Variants in NUP210 observed in about 807,000 individuals in gnomAD.
NUP210 encodes the protein nuclear pore membrane glycoprotein 210.
A neutral mutation model predicts 196.0 loss-of-function variants in NUP210; 151 were observed. The observed-to-expected ratio is 0.77, with a 90% CI of 0.67 to 0.88. NUP210 has a LOEUF of 0.88. NUP210 is among the 40% of genes least tolerant of loss of function. NUP210 has a pLI of 0.00. For synonymous variants in NUP210, 1,070 were observed against 1,052.7 expected, an observed-to-expected ratio of 1.02 and a Z score of -0.32; for missense variants, 2,314 against 2,493.7, an observed-to-expected ratio of 0.93 and a Z score of 1.53.
intron 20 of NUP210, among the ~76,000 whole-genome samples, chr3:13,346,770 A>G (rs1697748674): frequency 6.6e-6 from 1 of 152,102 alleles, no homozygotes; most frequent in Non-Finnish European, 1.5e-5. Context: ...ATCGGCTTCC[A>G]TTTCCTGCAG....
intron 8 of NUP210, among the ~76,000 whole-genome samples, chr3:13,377,903 C>CACCTGCAGGCCCTACACCACTT: frequency 6.8e-6 from 1 of 146,450 alleles, no homozygotes; most frequent in Admixed American, 6.8e-5. Flanking sequence ...CCACACCACC[C>CACCTGCAGGCCCTACACCACTT]ACCTGCAGGC....
chr3:13,361,165 G>A (rs191593709), intron 14 of NUP210, among the ~76,000 whole-genome samples: 37 of 152,324 alleles, frequency 2.4e-4, no homozygotes, highest in East Asian at 1.4e-3. Flanking sequence ...CTTCTGAGCC[G>A]CTGGGCTTCC....
Position 13,420,099 on chromosome 3 carries a change from A to G in NUP210, c.128T>C (p.Val43Ala). Residue 43 changes from valine (V) to alanine (A), a missense_variant, in exon 1 of 40, where the codon GTT becomes GCT. Coordinates refer to ENST00000254508, the MANE Select transcript of NUP210 (RefSeq NM_024923.4). The surrounding 1 kb of genome is among the most constrained non-coding windows in gnomAD (Gnocchi z 4.8). ...VLLPFTRATR[V>A]NFTLEASEGC... Reference sequence around the variant, plus strand: ...CTCCGAGGCCTCCAGCGTGAAGTTAACGCGCGTGGCCCGCGTGAAGGGCAG... The same window carrying G: ...CTCCGAGGCCTCCAGCGTGAAGTTAGCGCGCGTGGCCCGCGTGAAGGGCAG... The G allele has an allele frequency of 7.2e-7, 1 of 1,383,070 alleles. No individual in the cohort carries two copies. The highest frequency in any genetic ancestry group is 1.4e-5 in the South Asian group (1 of 70,324). The allele number at this position is 1,383,070 out of a possible 1,614,324, so 85.7% of individuals were successfully genotyped here.
In NUP210 at chr3:13,323,369, G is replaced by C. The variant is rs1217432638; in HGVS notation, c.4708C>G (p.Gln1570Glu). 1.2e-6 allele frequency: 2 copies of C among 1,614,064 alleles called. No individual in the cohort carries two copies. The highest frequency in any genetic ancestry group is 4.5e-5 in the East Asian group (2 of 44,874). The change falls in exon 34 of 40, where the codon CAG becomes GAG. Residue 1570 changes from glutamine (Q) to glutamate (E), a missense_variant. Gln to Glu is a conservative substitution (Grantham distance 29). Transcript: ENST00000254508. This position sits in a 1 kb window ranked among gnomAD's most constrained non-coding sequence, Gnocchi z 4.3. Reference sequence around the variant, plus strand: ...ATCACTTTGGAGGCTGTAGCCTCCTGGAAGCTGGTCTGGATGGGGTGGAGG... The same window carrying C: ...ATCACTTTGGAGGCTGTAGCCTCCTCGAAGCTGGTCTGGATGGGGTGGAGG... ...RHLHPIQTSF[Q>E]EATASKVIVA...
Position 13,351,935 on chromosome 3 carries a change from T to C in NUP210, c.2779A>G (p.Thr927Ala). The C allele has an allele frequency of 6.2e-7, 1 of 1,613,470 alleles. No homozygotes were observed. Residue 927 changes from threonine to alanine, a missense_variant, in exon 20 of 40, where the codon ACC (threonine) becomes GCC (alanine). Coordinates refer to ENST00000254508, the MANE Select transcript of NUP210 (RefSeq NM_024923.4). Reference sequence around the variant, plus strand: ...ACCTTGACAACATCTGCGGTGCTGGTGTTGAGGAAGAAGTAACCTGAGCCT... The same window carrying C: ...ACCTTGACAACATCTGCGGTGCTGGCGTTGAGGAAGAAGTAACCTGAGCCT... ...REGSGYFFLN[T>A]STADVVKVAY... is the part of the protein sequence containing the mutation.
chr3:13,372,072 C>T (rs778663864), intron 12 of NUP210, 40 bp from the exon 13 acceptor site: 3 of 1,496,288 alleles, frequency 2.0e-6, no homozygotes, highest in Middle Eastern at 4.5e-4. Context: ...GCTGCCTCCA[C>T]AGGAGAGGCA....
chr3:13,420,080 G>C lies in NUP210; in HGVS notation c.147C>G (p.Ala49=). The C allele has an allele frequency of 7.3e-7, 1 of 1,370,310 alleles. No individual in the cohort carries two copies. The highest frequency in any genetic ancestry group is 9.6e-7 in the Non-Finnish European group (1 of 1,040,630). 84.9% of individuals were successfully genotyped at this position (1,370,310 alleles called of 1,614,324 possible). ...RATRVNFTLE[A]SEGCYRWLST... Reference sequence around the variant, plus strand: ...CTCACCAGCGGTAGCAGCCCTCCGAGGCCTCCAGCGTGAAGTTAACGCGCG... The same window carrying C: ...CTCACCAGCGGTAGCAGCCCTCCGACGCCTCCAGCGTGAAGTTAACGCGCG... Residue 49 remains alanine, a synonymous_variant, in exon 1 of 40, where the codon GCC becomes GCG. Coordinates refer to ENST00000254508, the MANE Select transcript of NUP210 (RefSeq NM_024923.4). The surrounding 1 kb of genome is among the most constrained non-coding windows in gnomAD (Gnocchi z 4.8).
chr3:13,406,199 A>C (rs1264655471), intron 1 of NUP210, among the ~76,000 whole-genome samples: 1 of 152,196 alleles, frequency 6.6e-6, no homozygotes, highest in Admixed American at 6.5e-5. Context: ...GAAGAGGGGA[A>C]CCGAGCCCTG....
At chr3:13,372,800 G>A (rs1698775838) in intron 12 of NUP210, among the ~76,000 whole-genome samples, 1 of 152,182 alleles carries the variant, frequency 6.6e-6, no homozygotes, top group African/African-American at 2.4e-5. Flanking sequence ...CCCGCCAGCT[G>A]GCCCCGGAAG....
In NUP210 at chr3:13,368,891, T is replaced by C. The variant is rs146247796; in HGVS notation, c.1787-2800A>G. ...ATTGTGAATAACACTGCCATGAACA[T>C]GGGTGCACAAATACCTCTTTCGGAT... is the stretch of plus-strand genomic sequence containing the variant. On this transcript the variant is annotated intron_variant, in intron 13 of 39. Transcript: ENST00000254508. Among the ~76,000 whole-genome samples, 523 of 152,380 alleles carry C rather than the reference T, an allele frequency of 3.4e-3. 5 individuals are homozygous for C. Among genetic ancestry groups the C allele is most frequent in the African/African-American group, 0.012 (505 of 41,596 alleles).
chr3:13,346,264 T>C (rs540721257), intron 20 of NUP210, among the ~76,000 whole-genome samples: 1 of 152,314 alleles, frequency 6.6e-6, no homozygotes, highest in East Asian at 1.9e-4. Flanking sequence ...GCTTGGGTAA[T>C]GGAGGGCACT....
At chr3:13,386,507 G>A (rs1370807431) in intron 5 of NUP210, 100 bp from the exon 6 acceptor site, 2 of 1,398,790 alleles carry the variant, frequency 1.4e-6, no homozygotes, top group Non-Finnish European at 9.8e-7. Context: ...TGGGAATAGG[G>A]AAGTTAAGAG....
intron 9 of NUP210, 97 bp from the exon 10 acceptor site, chr3:13,376,528 G>C (rs1698916321): frequency 6.8e-7 from 1 of 1,481,062 alleles, no homozygotes; most frequent in African/African-American, 1.4e-5. Flanking sequence ...CCAGCAGCCA[G>C]GCCAGGCCAA....
chr3:13,378,160 G>A (rs970199579), intron 8 of NUP210, among the ~76,000 whole-genome samples: 10 of 151,558 alleles, frequency 6.6e-5, no homozygotes, highest in African/African-American at 2.2e-4. Context: ...CACACAGCAG[G>A]CCTACGCTCT....
chr3:13,347,343 T>G lies in NUP210; in HGVS notation c.2836-4040A>C, dbSNP rs1358695440. ...CAGCAGGCTCCTTCCCCTGCTCTGG[T>G]CATCTCATGGGTTCCGCCTAGAGGA... is the stretch of plus-strand genomic sequence containing the variant. On this transcript the variant is annotated intron_variant, in intron 20 of 39. Coordinates refer to ENST00000254508, the MANE Select transcript of NUP210 (RefSeq NM_024923.4). The surrounding 1 kb of genome is among the most constrained non-coding windows in gnomAD (Gnocchi z 4.7). The G allele has an allele frequency of 2.0e-6, 2 of 985,146 alleles. No individual in the cohort carries two copies. Among genetic ancestry groups the G allele is most frequent in the Non-Finnish European group, 2.4e-6 (2 of 829,780 alleles). The allele number at this position is 985,146 out of a possible 1,614,324, so 61.0% of individuals were successfully genotyped here.
At chr3:13,332,924 G>A (rs1346164174) in intron 28 of NUP210, among the ~76,000 whole-genome samples, 1 of 152,220 alleles carries the variant, frequency 6.6e-6, no homozygotes, top group African/African-American at 2.4e-5. Flanking sequence ...GTTTGCTCAG[G>A]ATAACTGTGC....
intron 1 of NUP210, among the ~76,000 whole-genome samples, chr3:13,411,488 C>T (rs1403607987): frequency 1.3e-5 from 2 of 152,180 alleles, no homozygotes; most frequent in African/African-American, 4.8e-5. Context: ...TAAGTGGGGG[C>T]ATAGTATGCA....
At position 13,342,071 on chromosome 3, in the gene NUP210, T is replaced by C. The variant is rs1254186984; in HGVS notation, c.3017A>G (p.Lys1006Arg). 1.2e-6 allele frequency: 2 copies of C among 1,614,234 alleles called. No individual in the cohort carries two copies. The highest frequency in any genetic ancestry group is 2.2e-5 in the East Asian group (1 of 44,884). The stretch of plus-strand genomic sequence containing the variant: ...GAAGTATTTGGCAAGGAAGGGCTTC[T>C]TGTGCAAGTCCAGCACGCGGACGTA... ...KAYVRVLDLH[K>R]KPFLAKYFPF... is the part of the protein sequence containing the mutation. The change falls in exon 22 of 40, where the codon AAG becomes AGG. Residue 1006 changes from lysine to arginine, a missense_variant. Transcript: ENST00000254508.
rs1204943788 is a variant in NUP210, at chr3:13,332,326, G to A, written c.3902C>T (p.Ser1301Leu). 1.6e-5 allele frequency: 26 copies of A among 1,613,682 alleles called. No individual in the cohort carries two copies. The highest frequency in any genetic ancestry group is 2.2e-5 in the East Asian group (1 of 44,888). ...PEIEAEQILM[S>L]PNSYIKLQTN... Reference sequence around the variant, plus strand: ...CTGCAGCTTTATATATGAGTTGGGCGACATTAATATTTGTTCTGCTTCTAT... The same window carrying A: ...CTGCAGCTTTATATATGAGTTGGGCAACATTAATATTTGTTCTGCTTCTAT... The change falls in exon 29 of 40, where the codon TCG becomes TTG. Residue 1301 changes from serine to leucine, a missense_variant. Coordinates refer to ENST00000254508, the MANE Select transcript of NUP210 (RefSeq NM_024923.4).
Sources: gnomAD v4.1 joint callset for allele counts (sites outside exome capture counted in the v4.1 genomes callset) on GRCh38, gnomAD v4.1.1 for gene constraint, Gnocchi (gnomAD v3.1) non-coding constraint, MANE v1.5 for transcripts, NCBI Gene and HGNC (gene_info 2026-07-23, HGNC 2026-07-21) for gene names.